The following TGM3 variants were observed in gnomAD, a reference collection of about 807,000 sequenced individuals.
The protein encoded by TGM3 is transglutaminase 3, also known as protein-glutamine gamma-glutamyltransferase E.
A neutral mutation model predicts 73.8 loss-of-function variants in TGM3; 52 were observed. The observed-to-expected ratio is 0.70, with a 90% confidence interval of 0.56 to 0.89. The LOEUF is 0.89. TGM3 is among the 40% of genes least tolerant of loss of function. The pLI is 0.00. For missense variants in TGM3, 928 were observed against 909.9 expected (o/e 1.02, Z -0.26); for synonymous variants, 372 against 354.9 (o/e 1.05, Z -0.54).
At chr20:2,299,925 T>A (rs1431336310) in intron 1 of TGM3, among the ~76,000 whole-genome samples, 1 of 151,894 alleles carries the variant, frequency 6.6e-6, no homozygotes, top group Non-Finnish European at 1.5e-5. Flanking sequence ...CGACAAAATC[T>A]CATCTACTAA....
Position 2,310,167 on chromosome 20 carries a change from T to C in TGM3, c.182-11T>C, listed in dbSNP as rs1300966831. ...CTTGTTGGTTTTCTCAACCTCTGTC[T>C]TCTTTGACAGGGCCTTACCCCTCAG... On this transcript the variant is annotated splice_polypyrimidine_tract_variant and intron_variant, in intron 2 of 12. Transcript: ENST00000381458. The C allele has an allele frequency of 1.2e-6, 2 of 1,613,788 alleles. No homozygotes were observed. The highest frequency in any genetic ancestry group is 1.7e-6 in the Non-Finnish European group (2 of 1,179,890).
In TGM3 at chr20:2,328,662, C is replaced by A. The variant is rs1406138107; in HGVS notation, c.1333+297C>A. On this transcript the variant is annotated intron_variant, in intron 9 of 12. Coordinates refer to ENST00000381458, the MANE Select transcript of TGM3 (RefSeq NM_003245.4). The surrounding 1 kb of genome is among the most constrained non-coding windows in gnomAD (Gnocchi z 5.2). ...AACTACACAGCTAGGGTGACAGCAC[C>A]GTGACTGAACATCACAGGGAGAGAC... is the stretch of plus-strand genomic sequence containing the variant. Among the ~76,000 whole-genome samples, 1 of 152,208 alleles carries A rather than the reference C, an allele frequency of 6.6e-6. No individual in the cohort carries two copies. Among genetic ancestry groups the A allele is most frequent in the Non-Finnish European group, 1.5e-5 (1 of 68,040 alleles).
chr20:2,312,375 T>C lies in TGM3; in HGVS notation c.541-523T>C, dbSNP rs567792876. On this transcript the variant is annotated intron_variant, in intron 4 of 12. Coordinates refer to ENST00000381458, the MANE Select transcript of TGM3 (RefSeq NM_003245.4). ...TCATACCACTGCACTCCAGCCTGGGTGACAGAGCAAGACTCCGTCTCAAAA... is the reference window on the plus strand; with the variant it reads ...TCATACCACTGCACTCCAGCCTGGGCGACAGAGCAAGACTCCGTCTCAAAA... Among the ~76,000 whole-genome samples the C allele has an allele frequency of 9.3e-4, 107 of 114,750 alleles. 3 individuals are homozygous for C. In the South Asian group the frequency reaches 0.024, roughly 26 times the overall value. The allele number at this position is 114,750 out of a possible 152,430, so 75.3% of individuals were successfully genotyped here.
intron 5 of TGM3, among the ~76,000 whole-genome samples, chr20:2,314,530 TACACACACACACACACAC>T (rs11473649): frequency 7.3e-6 from 1 of 136,798 alleles, no homozygotes; most frequent in South Asian, 2.4e-4. Flanking sequence ...CATCTACACA[TACACACACACACACACAC>T]ACACACACAC....
intron 2 of TGM3, 112 bp downstream of exon 2, chr20:2,309,942 G>A: frequency 6.8e-7 from 1 of 1,474,636 alleles, no homozygotes; most frequent in Non-Finnish European, 9.2e-7. Context: ...TTCTAGCCTT[G>A]CTCTGTCATT....
intron 4 of TGM3, among the ~76,000 whole-genome samples, chr20:2,312,284 C>T (rs756601756): frequency 4.4e-4 from 66 of 150,768 alleles, no homozygotes; most frequent in Non-Finnish European, 8.4e-4. Context: ...CCTGTAATCC[C>T]AGCTACTTGG....
intron 5 of TGM3, among the ~76,000 whole-genome samples, chr20:2,313,954 C>T (rs577240756): frequency 6.6e-6 from 1 of 152,146 alleles, no homozygotes; most frequent in African/African-American, 2.4e-5. Context: ...TGACTTGAGC[C>T]CAGGAGTTCA....
Position 2,312,903 on chromosome 20 carries a change from A to G in TGM3, c.546A>G (p.Glu182=). Residue 182 remains glutamate, a synonymous_variant, in exon 5 of 13, where the codon GAA becomes GAG. Transcript: ENST00000381458. ...TATGGTCTCGTTCTGAACAGTTTGA[A>G]GAAGACATTCTCAGCATCTGCCTCT... ...GMIGWNFGQF[E]EDILSICLSI... The G allele has an allele frequency of 6.2e-7, 1 of 1,614,172 alleles. No homozygotes were observed. Among genetic ancestry groups the G allele is most frequent in the South Asian group, 1.1e-5 (1 of 91,080 alleles).
chr20:2,339,131 G>A (rs1427294595), intron 11 of TGM3, among the ~76,000 whole-genome samples: 2 of 152,238 alleles, frequency 1.3e-5, no homozygotes, highest in African/African-American at 4.8e-5. Flanking sequence ...GTAGACTGGG[G>A]TGTCAGCAGA....
At position 2,340,645 on chromosome 20, in the gene TGM3, T is replaced by G; in HGVS notation, c.*64T>G. The G allele has an allele frequency of 6.2e-7, 1 of 1,605,014 alleles. No individual in the cohort carries two copies. The highest frequency in any genetic ancestry group is 8.5e-7 in the Non-Finnish European group (1 of 1,173,448). On this transcript the variant is annotated 3_prime_UTR_variant, in exon 13 of 13. Coordinates refer to ENST00000381458, the MANE Select transcript of TGM3 (RefSeq NM_003245.4). ...GGAGCAGGGAGAGCTCACCATGGAA[T>G]GAACCCCCCGCCCATGCTGTCCGGC...
Position 2,328,518 on chromosome 20 carries a change from T to C in TGM3, c.1333+153T>C, listed in dbSNP as rs1290082995. Among the ~76,000 whole-genome samples, 1 of 152,156 alleles carries C rather than the reference T, an allele frequency of 6.6e-6. No homozygotes were observed. The highest frequency in any genetic ancestry group is 1.5e-5 in the Non-Finnish European group (1 of 68,010). The stretch of plus-strand genomic sequence containing the variant: ...TGCTCCCTAGCACCTAACATCCACC[T>C]CCCAGGACTGTTTCCGGAGGGAACA... On this transcript the variant is annotated intron_variant, in intron 9 of 12. Coordinates refer to ENST00000381458, the MANE Select transcript of TGM3 (RefSeq NM_003245.4). The surrounding 1 kb of genome is among the most constrained non-coding windows in gnomAD (Gnocchi z 5.2).
At chr20:2,326,506 A>G (rs2084288871) in intron 8 of TGM3, among the ~76,000 whole-genome samples, 1 of 152,202 alleles carries the variant, frequency 6.6e-6, no homozygotes, top group Non-Finnish European at 1.5e-5. Context: ...CCTCTAGAGC[A>G]TGACTTGTCT....
In TGM3 at chr20:2,328,114, C is replaced by T. The variant is rs1174534614; in HGVS notation, c.1088-6C>T. On this transcript the variant is annotated splice_region_variant and splice_polypyrimidine_tract_variant and intron_variant, in intron 8 of 12. Transcript: ENST00000381458. The surrounding 1 kb of genome is among the most constrained non-coding windows in gnomAD (Gnocchi z 5.2). ...ATATATCCAGCCTCTGCATCTTGGC[C>T]TCCAGGGGTGTTCCAGTGCGGCCCC... The T allele has an allele frequency of 1.2e-6, 2 of 1,614,006 alleles. No homozygotes were observed. The highest frequency in any genetic ancestry group is 2.7e-5 in the African/African-American group (2 of 74,886).
intron 4 of TGM3, among the ~76,000 whole-genome samples, chr20:2,312,480 G>T (rs1409290560): frequency 6.6e-6 from 1 of 151,506 alleles, no homozygotes; most frequent in African/African-American, 2.4e-5. Flanking sequence ...TTATACAGAT[G>T]GAGAAATCGA....
chr20:2,321,022 A>G (rs1005356028), intron 7 of TGM3, among the ~76,000 whole-genome samples: 1 of 152,126 alleles, frequency 6.6e-6, no homozygotes, highest in Non-Finnish European at 1.5e-5. Context: ...CACCTCAGCC[A>G]AGCCCCTGGC....
intron 1 of TGM3, among the ~76,000 whole-genome samples, chr20:2,297,021 G>A (rs756980603): frequency 2.0e-5 from 3 of 152,196 alleles, no homozygotes; most frequent in Non-Finnish European, 4.4e-5. Flanking sequence ...TTGCACATTA[G>A]GCCCCCTCCC....
chr20:2,317,943 C>CATATATATAT (rs61329150), intron 7 of TGM3, among the ~76,000 whole-genome samples: 16 of 36,184 alleles, frequency 4.4e-4, no homozygotes, highest in African/African-American at 7.1e-4. Flanking sequence ...ATATATATAT[C>CATATATATAT]ATATATATAT....
In TGM3 at chr20:2,311,278, C is replaced by T. The variant is rs6113659; in HGVS notation, c.540+149C>T. ...TATTCAGAAGACTTTCATTGGCCAC[C>T]TATTATGTGTCAGACCCTGGGATCC... On this transcript the variant is annotated intron_variant, in intron 4 of 12. Coordinates refer to ENST00000381458, the MANE Select transcript of TGM3 (RefSeq NM_003245.4). 23 of 666,782 alleles carry T rather than the reference C, an allele frequency of 3.4e-5. 1 individual carries two copies. The highest frequency in any genetic ancestry group is 2.3e-4 in the South Asian group (13 of 56,876). The allele number at this position is 666,782 out of a possible 1,614,324, so 41.3% of individuals were successfully genotyped here.
intron 12 of TGM3, 40 bp downstream of exon 12, chr20:2,340,027 AGGGGGCGG>A: frequency 1.5e-5 from 2 of 133,150 alleles, no homozygotes; most frequent in Non-Finnish European, 3.3e-5. Flanking sequence ...GGAGGGCGGG[AGGGGGCGG>A]GGGGGCCCTC....
Sources: gnomAD v4.1 joint callset for allele counts (sites outside exome capture counted in the v4.1 genomes callset) on GRCh38, gnomAD v4.1.1 for gene constraint, Gnocchi (gnomAD v3.1) non-coding constraint, MANE v1.5 for transcripts, NCBI Gene and HGNC (gene_info 2026-07-23, HGNC 2026-07-21) for gene names.